SDK1: variants seen among roughly 807,000 people sequenced by gnomAD.
SDK1 encodes protein sidekick-1.
In SDK1, 157 loss-of-function variants were observed where a neutral mutation model predicts 245.5. The ratio of observed to expected loss-of-function variants is 0.64; its 90% confidence interval spans 0.56 to 0.73. SDK1 has a LOEUF of 0.73. Among genes scored for constraint, SDK1 ranks in the 30% least tolerant of loss-of-function variants. The pLI, the probability that SDK1 is intolerant of heterozygous loss-of-function variation, is 0.00. For missense variants in SDK1, 3,583 were observed against 3,002.3 expected (o/e 1.19, Z -4.52); for synonymous variants, 1,647 against 1,278.5 (o/e 1.29, Z -6.15).
rs566770572 is a variant in SDK1, at chr7:4,149,000, G to A, written c.4424-262G>A. Among the ~76,000 whole-genome samples the A allele has an allele frequency of 3.0e-4, 45 of 152,314 alleles. No individual in the cohort carries two copies. In the South Asian group the frequency reaches 6.6e-3, roughly 22 times the overall value. Reference sequence around the variant, plus strand: ...GAACCCAGGAGACAGAGGTTGTAGTGAGCTGAGATCACGCCACTGCACTCC... The same window carrying A: ...GAACCCAGGAGACAGAGGTTGTAGTAAGCTGAGATCACGCCACTGCACTCC... On this transcript the variant is annotated intron_variant, in intron 29 of 44. Coordinates refer to ENST00000404826, the MANE Select transcript of SDK1 (RefSeq NM_152744.4).
chr7:3,342,503 G>A (rs553585230), intron 1 of SDK1, among the ~76,000 whole-genome samples: 1 of 151,972 alleles, frequency 6.6e-6, no homozygotes, highest in African/African-American at 2.4e-5. Context: ...CAGGAGACTC[G>A]CTTGAACCCA....
intron 5 of SDK1, among the ~76,000 whole-genome samples, chr7:3,941,559 A>G (rs866354870): frequency 2.6e-5 from 4 of 151,278 alleles, no homozygotes; most frequent in Non-Finnish European, 2.9e-5. Context: ...CTTTCCTTCC[A>G]TTGTCTGACT....
chr7:3,542,388 AC>A (rs1779078023), intron 1 of SDK1, among the ~76,000 whole-genome samples: 1 of 151,982 alleles, frequency 6.6e-6, no homozygotes, highest in South Asian at 2.1e-4. Context: ...TTGGGGCATG[AC>A]CCTTTGCTTT....
intron 25 of SDK1, among the ~76,000 whole-genome samples, chr7:4,126,830 C>T (rs770395852): frequency 6.6e-6 from 1 of 152,134 alleles, no homozygotes; most frequent in Non-Finnish European, 1.5e-5. Flanking sequence ...GTTTTCTGAT[C>T]GGTAGAAAAG....
At chr7:3,534,147 C>A (rs1239757367) in intron 1 of SDK1, among the ~76,000 whole-genome samples, 3 of 152,204 alleles carry the variant, frequency 2.0e-5, no homozygotes, top group South Asian at 4.1e-4. Flanking sequence ...TGAAATCATG[C>A]AGTATTTGTT....
chr7:3,614,410 A>C (rs781195083), intron 1 of SDK1, among the ~76,000 whole-genome samples: 59 of 152,300 alleles, frequency 3.9e-4, no homozygotes, highest in Admixed American at 1.2e-3. Context: ...TGAAATACAC[A>C]CACACCCTTC....
At chr7:3,349,604 T>G (rs1235999156) in intron 1 of SDK1, among the ~76,000 whole-genome samples, 2 of 152,166 alleles carry the variant, frequency 1.3e-5, no homozygotes, top group African/African-American at 2.4e-5. Flanking sequence ...TACATGTATC[T>G]TTTATTTTTT....
intron 5 of SDK1, among the ~76,000 whole-genome samples, chr7:3,920,325 C>T (rs1220209006): frequency 2.0e-5 from 3 of 152,024 alleles, no homozygotes; most frequent in Admixed American, 6.6e-5. Context: ...TGCAGTCTTG[C>T]AGGTGAGATG....
chr7:3,833,207 G>A (rs867066001), intron 5 of SDK1, among the ~76,000 whole-genome samples: 3 of 152,080 alleles, frequency 2.0e-5, no homozygotes, highest in South Asian at 2.1e-4. Context: ...TTCCTAAGTC[G>A]AACTTAAAGA....
intron 1 of SDK1, among the ~76,000 whole-genome samples, chr7:3,398,629 CAT>C (rs1257582745): frequency 6.6e-6 from 1 of 151,028 alleles, no homozygotes; most frequent in African/African-American, 2.5e-5. Context: ...TTGCTGAGCA[CAT>C]GATTTATTTA....
chr7:3,676,261 C>T lies in SDK1; in HGVS notation c.713+34156C>T, dbSNP rs987166591. ...CTCAAACTCCTGGGCTCAAGTTATA[C>T]TCCTGCCTTGTCCTCCGAAAGTGCT... On this transcript the variant is annotated intron_variant, in intron 4 of 44. Transcript: ENST00000404826. Among the ~76,000 whole-genome samples the T allele has an allele frequency of 2.6e-5, 4 of 152,086 alleles. No homozygotes were observed. The East Asian group carries it at 5.8e-4, about 22-fold the overall frequency.
chr7:3,571,617 T>C (rs1273884458), intron 1 of SDK1, among the ~76,000 whole-genome samples: 1 of 152,138 alleles, frequency 6.6e-6, no homozygotes, highest in African/African-American at 2.4e-5. Context: ...AAGCAGCCTT[T>C]TGTTTTACAG....
intron 5 of SDK1, among the ~76,000 whole-genome samples, chr7:3,869,610 C>G (rs1780910354): frequency 6.6e-6 from 1 of 152,216 alleles, no homozygotes; most frequent in African/African-American, 2.4e-5. Context: ...CCCCTCCCTG[C>G]TTGCTCAGCA....
chr7:3,993,271 G>T (rs140045758), intron 14 of SDK1, among the ~76,000 whole-genome samples: 103 of 152,280 alleles, frequency 6.8e-4, no homozygotes, highest in Non-Finnish European at 1.3e-3. Context: ...GTTTTCCTTG[G>T]GCTGGACAAA....
chr7:3,470,574 G>C (rs1400080175), intron 1 of SDK1, among the ~76,000 whole-genome samples: 3 of 152,100 alleles, frequency 2.0e-5, no homozygotes, highest in African/African-American at 7.2e-5. Flanking sequence ...TGGGGAGAGA[G>C]GTTAAACTAG....
Position 3,578,705 on chromosome 7 carries a change from T to TC in SDK1, c.299-40373dup, listed in dbSNP as rs763526950. ...TAGCAACACCTCTCCTGCTTGCACA[T>TC]CCGTTTATAGGCTCTCTGCAGGAAG... On this transcript the variant is annotated intron_variant, in intron 1 of 44. Coordinates refer to ENST00000404826, the MANE Select transcript of SDK1 (RefSeq NM_152744.4). 7.1e-4 allele frequency among the ~76,000 whole-genome samples: 108 copies of TC among 152,000 alleles called. 1 individual carries two copies. Among genetic ancestry groups the TC allele is most frequent in the Non-Finnish European group, 1.3e-3 (85 of 67,908 alleles).
intron 4 of SDK1, among the ~76,000 whole-genome samples, chr7:3,692,856 C>G (rs1432537507): frequency 6.6e-6 from 1 of 151,930 alleles, no homozygotes; most frequent in Non-Finnish European, 1.5e-5. Context: ...TTGGCACCAT[C>G]GAGTATTGCA....
In SDK1 at chr7:4,139,581, G is replaced by GTA. The variant is rs796325916; in HGVS notation, c.4229-6139_4229-6138dup. Reference sequence around the variant, plus strand: ...TATATATGTGTGTATATGTGTGTGTGTATGTGTGTGTATATGTATATATGT... The same window carrying GTA: ...TATATATGTGTGTATATGTGTGTGTGTATATGTGTGTGTATATGTATATATGT... On this transcript the variant is annotated intron_variant, in intron 28 of 44. Transcript: ENST00000404826. Among the ~76,000 whole-genome samples, 9 of 23,588 alleles carry GTA rather than the reference G, an allele frequency of 3.8e-4. 3 individuals are homozygous for GTA. The highest frequency in any genetic ancestry group is 3.6e-3 in the East Asian group (2 of 556). 15.5% of individuals were successfully genotyped at this position (23,588 alleles called of 152,430 possible). A position where few individuals can be genotyped will look rare whatever the true frequency, so the allele number is the denominator to read the frequency against.
chr7:3,598,213 C>G (rs1211255482), intron 1 of SDK1, among the ~76,000 whole-genome samples: 1 of 152,122 alleles, frequency 6.6e-6, no homozygotes, highest in Non-Finnish European at 1.5e-5. Flanking sequence ...AGTGCATGTT[C>G]AAGCCTTTTG....
Sources: gnomAD v4.1 joint callset for allele counts (sites outside exome capture counted in the v4.1 genomes callset) on GRCh38, gnomAD v4.1.1 for gene constraint, MANE v1.5 for transcripts, NCBI Gene and HGNC (gene_info 2026-07-23, HGNC 2026-07-21) for gene names.